Variants in ANK3 observed in about 807,000 individuals in gnomAD.
The protein encoded by ANK3 is ankyrin-3.
Under a neutral mutation model 370.9 loss-of-function variants are expected in ANK3, and 57 were observed. That is an observed-to-expected ratio of 0.15 (90% CI 0.12 to 0.19). ANK3 has a LOEUF of 0.19. ANK3 is among the 10% of genes least tolerant of loss of function. The probability of loss-of-function intolerance (pLI) is 1.00; values close to 1 mark genes in which losing one functional copy is unlikely to be tolerated. For synonymous variants in ANK3, 1,929 were observed against 1,946.3 expected (o/e 0.99, Z 0.23); for missense variants, 4,439 against 5,302.1 (o/e 0.84, Z 5.06).
chr10:60,424,176 C>T (rs568635068), intron 2 of ANK3, among the ~76,000 whole-genome samples: 129 of 152,058 alleles, frequency 8.5e-4, no homozygotes, highest in African/African-American at 2.9e-3. Flanking sequence ...ACCACACATC[C>T]TGGTTTTGGC....
At chr10:60,728,181 A>C (rs1589086128) in intron 1 of ANK3, among the ~76,000 whole-genome samples, 1 of 152,312 alleles carries the variant, frequency 6.6e-6, no homozygotes, top group East Asian at 1.9e-4. Flanking sequence ...AAAAGAAAGA[A>C]AACCTCAAGG....
At chr10:60,524,439 T>G (rs981625086) in intron 2 of ANK3, among the ~76,000 whole-genome samples, 1 of 152,094 alleles carries the variant, frequency 6.6e-6, no homozygotes, top group Non-Finnish European at 1.5e-5. Flanking sequence ...GATTAAATCA[T>G]GAGGGCTGGT....
chr10:60,654,204 C>T (rs2078831598), intron 1 of ANK3, among the ~76,000 whole-genome samples: 1 of 152,056 alleles, frequency 6.6e-6, no homozygotes, highest in African/African-American at 2.4e-5. Context: ...CTTCTTAGTT[C>T]TAGTAGCTTT....
rs762808477 is a variant in ANK3 at position 60,263,859 on chromosome 10, G to A, written c.675C>T (p.Asp225=). Residue 225 remains aspartate, a synonymous_variant, in exon 6 of 44, where the codon GAC becomes GAT. Coordinates refer to ENST00000280772, the MANE Select transcript of ANK3 (RefSeq NM_020987.5). ...CCTTTGATTCCACATCTGCATTGTT[G>A]TCATTCTGCAGCAGCAGGGCGGCGG... ...TKAAALLLQN[D]NNADVESKSG... 5 of 1,613,934 alleles carry A rather than the reference G, an allele frequency of 3.1e-6. No homozygotes were observed. Among genetic ancestry groups the A allele is most frequent in the Non-Finnish European group, 4.2e-6 (5 of 1,180,010 alleles).
intron 2 of ANK3, among the ~76,000 whole-genome samples, chr10:60,562,764 C>T (rs78929070): frequency 4.0e-5 from 6 of 151,402 alleles, no homozygotes; most frequent in African/African-American, 1.5e-4. Flanking sequence ...ATCTAACAGA[C>T]AGAAAAAAAA....
At chr10:60,580,329 A>T (rs1193982990) in intron 2 of ANK3, among the ~76,000 whole-genome samples, 1 of 152,202 alleles carries the variant, frequency 6.6e-6, no homozygotes, top group Admixed American at 6.5e-5. Context: ...GCCACAGGTG[A>T]TATCTAAATA....
chr10:60,068,037 T>C, intron 37 of ANK3, 28 bp from the exon 38 acceptor site: 1 of 1,585,558 alleles, frequency 6.3e-7, no homozygotes, highest in Non-Finnish European at 8.6e-7. Context: ...TTAATTAAAA[T>C]AATCATCAAG....
intron 5 of ANK3, among the ~76,000 whole-genome samples, chr10:60,268,755 C>T (rs1227156872): frequency 6.6e-6 from 1 of 152,028 alleles, no homozygotes; most frequent in Non-Finnish European, 1.5e-5. Context: ...AGTGTTGTAA[C>T]CAACAATCAA....
exon 1 of ANK3, chr10:60,733,479 T>C: frequency 1.7e-6 from 1 of 576,956 alleles, no homozygotes; most frequent in Non-Finnish European, 2.5e-6. Context: ...CGGCCTATCC[T>C]CCTCCTGCTG....
chr10:60,343,595 C>T (rs2054744081), intron 1 of ANK3, among the ~76,000 whole-genome samples: 1 of 152,140 alleles, frequency 6.6e-6, no homozygotes, highest in Non-Finnish European at 1.5e-5. Context: ...GAAGGACTAC[C>T]AATATATCTA....
intron 2 of ANK3, among the ~76,000 whole-genome samples, chr10:60,480,017 C>T (rs781548066): frequency 2.0e-5 from 3 of 152,090 alleles, no homozygotes; most frequent in East Asian, 1.9e-4. Flanking sequence ...AAAAAGCTGG[C>T]GGGCACTGCC....
intron 1 of ANK3, among the ~76,000 whole-genome samples, chr10:60,722,693 T>C (rs928826196): frequency 1.3e-5 from 2 of 152,016 alleles, no homozygotes; most frequent in Admixed American, 1.3e-4. Context: ...ATTTGGATCA[T>C]GGGGGCAGAT....
At chr10:60,649,060 C>A (rs973735178) in intron 1 of ANK3, among the ~76,000 whole-genome samples, 1 of 152,134 alleles carries the variant, frequency 6.6e-6, no homozygotes, top group African/African-American at 2.4e-5. Context: ...TTCTTAGGAA[C>A]TGGCCATTCC....
chr10:60,709,440 C>T (rs1317291064), intron 1 of ANK3, among the ~76,000 whole-genome samples: 1 of 152,068 alleles, frequency 6.6e-6, no homozygotes, highest in Admixed American at 6.6e-5. Context: ...AACTTAGTTA[C>T]CACTAGACTA....
intron 28 of ANK3, among the ~76,000 whole-genome samples, chr10:60,100,881 G>A (rs557545082): frequency 6.6e-6 from 1 of 152,250 alleles, no homozygotes; most frequent in Admixed American, 6.5e-5. Flanking sequence ...AAAATATAAT[G>A]TAAACTGGGT....
At chr10:60,151,393 G>A (rs1460085392) in intron 23 of ANK3, among the ~76,000 whole-genome samples, 1 of 152,132 alleles carries the variant, frequency 6.6e-6, no homozygotes, top group Non-Finnish European at 1.5e-5. Flanking sequence ...GAGATGTGAT[G>A]TTAAAAAGAG....
At chr10:60,216,243 T>C (rs2096934986) in intron 8 of ANK3, among the ~76,000 whole-genome samples, 1 of 152,182 alleles carries the variant, frequency 6.6e-6, no homozygotes, top group Non-Finnish European at 1.5e-5. Flanking sequence ...CTCTTCCTAT[T>C]TGAATATGCT....
intron 2 of ANK3, among the ~76,000 whole-genome samples, chr10:60,504,447 T>C (rs966395374): frequency 6.6e-6 from 1 of 152,174 alleles, no homozygotes; most frequent in Non-Finnish European, 1.5e-5. Context: ...AAGGATTTGA[T>C]TATAATAAAG....
At chr10:60,260,544 C>T (rs1027707123) in intron 7 of ANK3, among the ~76,000 whole-genome samples, 1 of 151,296 alleles carries the variant, frequency 6.6e-6, no homozygotes, top group South Asian at 2.1e-4. Context: ...AGATGTATGT[C>T]CCCACCCAAA....
Sources: gnomAD v4.1 joint callset for allele counts (sites outside exome capture counted in the v4.1 genomes callset) on GRCh38, gnomAD v4.1.1 for gene constraint, MANE v1.5 for transcripts, NCBI Gene and HGNC (gene_info 2026-07-23, HGNC 2026-07-21) for gene names.